The following AKAP6 variants were observed in gnomAD, a reference collection of about 807,000 sequenced individuals.
AKAP6 encodes A-kinase anchoring protein 6, also known as A-kinase anchor protein 6.
Under a neutral mutation model 188.5 loss-of-function variants are expected in AKAP6, and 58 were observed. The observed-to-expected ratio is 0.31, with a 90% CI of 0.25 to 0.38. The LOEUF is 0.38. Among genes scored for constraint, AKAP6 ranks in the 10% least tolerant of loss-of-function variants. AKAP6 has a pLI of 1.00. For synonymous variants in AKAP6, 989 were observed against 998.6 expected (o/e 0.99, Z 0.18); for missense variants, 2,710 against 2,740.0 (o/e 0.99, Z 0.24).
chr14:32,460,294 T>A (rs1891279602), intron 2 of AKAP6, among the ~76,000 whole-genome samples: 1 of 152,104 alleles, frequency 6.6e-6, no homozygotes, highest in Non-Finnish European at 1.5e-5. Flanking sequence ...AAGGTACAGA[T>A]TAAAAGAGAT....
intron 7 of AKAP6, among the ~76,000 whole-genome samples, chr14:32,621,277 T>C (rs921682908): frequency 1.4e-4 from 21 of 152,094 alleles, no homozygotes; most frequent in African/African-American, 5.1e-4. Flanking sequence ...AAACTGTCAA[T>C]TTGTGATCTT....
At chr14:32,405,288 C>T (rs921860787) in intron 1 of AKAP6, among the ~76,000 whole-genome samples, 3 of 152,118 alleles carry the variant, frequency 2.0e-5, no homozygotes, top group African/African-American at 7.2e-5. Flanking sequence ...CCTGCTTCTG[C>T]ATGCTCCATA....
intron 7 of AKAP6, among the ~76,000 whole-genome samples, chr14:32,676,524 C>A (rs908263968): frequency 6.6e-6 from 1 of 152,072 alleles, no homozygotes; most frequent in African/African-American, 2.4e-5. Context: ...ACCAGCCATA[C>A]CCCCTACTCC....
At chr14:32,506,484 A>G (rs1880884172) in intron 2 of AKAP6, among the ~76,000 whole-genome samples, 1 of 152,166 alleles carries the variant, frequency 6.6e-6, no homozygotes, top group Non-Finnish European at 1.5e-5. Flanking sequence ...ACCCCATAGT[A>G]GAGCATTTGC....
In AKAP6 at chr14:32,436,406, C is replaced by T. The variant is rs191078023; in HGVS notation, c.324+2589C>T. ...TTACCAGTTTCAGTAAACGTCACTA[C>T]TCTGTTAAGCCAAAGCATGACTCTC... On this transcript the variant is annotated intron_variant, in intron 2 of 13. Coordinates refer to ENST00000280979, the MANE Select transcript of AKAP6 (RefSeq NM_004274.5). Among the ~76,000 whole-genome samples the T allele has an allele frequency of 2.3e-3, 350 of 152,274 alleles. 1 individual carries two copies. The highest frequency in any genetic ancestry group is 5.0e-3 in the South Asian group (24 of 4,824).
Position 32,510,423 on chromosome 14 carries a change from T to TACATATATATGTATATATATATAC in AKAP6, c.325-25121_325-25120insGTATATATATATACACATATATAT, listed in dbSNP as rs1566546593. Among the ~76,000 whole-genome samples the TACATATATATGTATATATATATAC allele has an allele frequency of 4.8e-3, 452 of 94,244 alleles. 6 individuals carry two copies. The highest frequency in any genetic ancestry group is 8.1e-3 in the African/African-American group (173 of 21,312). 61.8% of individuals were successfully genotyped at this position (94,244 alleles called of 152,430 possible). The stretch of plus-strand genomic sequence containing the variant: ...ATATATGTATATATATGTATATATA[T>TACATATATATGTATATATATATAC]ACATATATATATGTGTATATATATA... On this transcript the variant is annotated intron_variant, in intron 2 of 13. Coordinates refer to ENST00000280979, the MANE Select transcript of AKAP6 (RefSeq NM_004274.5).
intron 7 of AKAP6, among the ~76,000 whole-genome samples, chr14:32,674,226 C>T (rs551206886): frequency 4.6e-5 from 7 of 152,248 alleles, no homozygotes; most frequent in African/African-American, 7.2e-5. Context: ...TGGTAGGAAA[C>T]GTGGCCTAAG....
chr14:32,697,371 G>C (rs1890448031), intron 9 of AKAP6, among the ~76,000 whole-genome samples: 3 of 152,028 alleles, frequency 2.0e-5, no homozygotes, highest in African/African-American at 7.2e-5. Context: ...TTCCTGTATG[G>C]GTAGCTGTCC....
intron 2 of AKAP6, chr14:32,494,242 T>A (rs1032987303): frequency 6.6e-6 from 1 of 152,178 alleles, no homozygotes; most frequent in African/African-American, 2.4e-5. Flanking sequence ...AAATCCAGAC[T>A]CTGTCCTGGA....
chr14:32,437,362 A>G (rs982931898), intron 2 of AKAP6, among the ~76,000 whole-genome samples: 4 of 152,264 alleles, frequency 2.6e-5, no homozygotes, highest in South Asian at 2.1e-4. Flanking sequence ...TACACACTTC[A>G]TACTCCCTTT....
chr14:32,390,045 T>A (rs552395109), intron 1 of AKAP6, among the ~76,000 whole-genome samples: 1 of 152,250 alleles, frequency 6.6e-6, no homozygotes, highest in South Asian at 2.1e-4. Flanking sequence ...TCATATTTTC[T>A]TATTCTTTTT....
At chr14:32,721,680 G>A (rs2030545036) in intron 9 of AKAP6, among the ~76,000 whole-genome samples, 1 of 152,144 alleles carries the variant, frequency 6.6e-6, no homozygotes. Flanking sequence ...TTGCTCCATT[G>A]TTGTTCTCTC....
rs144222762 is a variant in AKAP6 at position 32,773,687 on chromosome 14, C to T, written c.3382C>T (p.Arg1128Cys). The change falls in exon 12 of 14, where the codon CGT becomes TGT. Residue 1128 changes from arginine (R) to cysteine (C), a missense_variant. Arg to Cys is a radical substitution (Grantham distance 180, BLOSUM62 -3). Coordinates refer to ENST00000280979, the MANE Select transcript of AKAP6 (RefSeq NM_004274.5). The stretch of plus-strand genomic sequence containing the variant: ...TCTCTCTATGTTGCAGTCCCTCTGT[C>T]GTGAAATCAAGCAACGACGTCGAGG... Reference protein sequence around the residue: ...KQLQYFKSLCREIKQRRRGVA... With the variant: ...KQLQYFKSLCCEIKQRRRGVA... 4.2e-4 allele frequency: 684 copies of T among 1,613,762 alleles called. No individual in the cohort carries two copies. The highest frequency in any genetic ancestry group is 4.3e-4 in the Non-Finnish European group (509 of 1,179,878).
intron 1 of AKAP6, among the ~76,000 whole-genome samples, chr14:32,401,298 G>A (rs541814838): frequency 2.1e-4 from 32 of 152,092 alleles, no homozygotes; most frequent in Admixed American, 2.6e-4. Flanking sequence ...AGGGTTTTCT[G>A]GTTACTTGTA....
rs544997334 is a variant in AKAP6, at chr14:32,769,037, A to ATTTTTTTTTTTTTTTTT, written c.3373-4630_3373-4614dup. Among the ~76,000 whole-genome samples, 189 of 56,920 alleles carry ATTTTTTTTTTTTTTTTT rather than the reference A, an allele frequency of 3.3e-3. 56 individuals carry two copies. Among genetic ancestry groups the ATTTTTTTTTTTTTTTTT allele is most frequent in the East Asian group, 7.1e-3 (9 of 1,262 alleles). 37.3% of individuals were successfully genotyped at this position (56,920 alleles called of 152,430 possible). A position where few individuals can be genotyped will look rare whatever the true frequency, so the allele number is the denominator to read the frequency against. On this transcript the variant is annotated intron_variant, in intron 11 of 13. Transcript: ENST00000280979. ...ACTAGGGGATGCAGCTGCTCTTTTG[A>ATTTTTTTTTTTTTTTTT]TTTTTTTTTTTTTTTTTTTTTTTTT...
chr14:32,739,118 A>G (rs1335253828), intron 11 of AKAP6, among the ~76,000 whole-genome samples: 1 of 152,148 alleles, frequency 6.6e-6, no homozygotes, highest in Non-Finnish European at 1.5e-5. Flanking sequence ...CCTAATATGT[A>G]TGAGGCACAC....
At chr14:32,684,912 A>C (rs116701685) in intron 8 of AKAP6, among the ~76,000 whole-genome samples, 1 of 152,186 alleles carries the variant, frequency 6.6e-6, no homozygotes, top group Non-Finnish European at 1.5e-5. Context: ...CTTAATCTCT[A>C]TGGTATTCAG....
chr14:32,379,354 A>G (rs909761449), intron 1 of AKAP6, among the ~76,000 whole-genome samples: 1 of 152,144 alleles, frequency 6.6e-6, no homozygotes, highest in African/African-American at 2.4e-5. Context: ...GCTGCTGTCA[A>G]CCGTCCTCTG....
At chr14:32,504,171 T>C (rs1037831933) in intron 2 of AKAP6, among the ~76,000 whole-genome samples, 2 of 152,174 alleles carry the variant, frequency 1.3e-5, no homozygotes, top group African/African-American at 2.4e-5. Context: ...TAAGGTATTT[T>C]ATCTTTGTTA....
Sources: gnomAD v4.1 joint callset for allele counts (sites outside exome capture counted in the v4.1 genomes callset) on GRCh38, gnomAD v4.1.1 for gene constraint, MANE v1.5 for transcripts, NCBI Gene and HGNC (gene_info 2026-07-23, HGNC 2026-07-21) for gene names.